Variants in KCNIP4 observed in about 807,000 individuals in gnomAD.
The protein encoded by KCNIP4 is Kv channel-interacting protein 4.
A neutral mutation model predicts 34.0 loss-of-function variants in KCNIP4; 12 were observed. The ratio of observed to expected loss-of-function variants is 0.35; its 90% CI spans 0.23 to 0.57. KCNIP4 has a LOEUF of 0.57. Ranked by LOEUF, KCNIP4 falls within the 20% of genes least tolerant of loss-of-function variation. The pLI is 0.83. For missense variants in KCNIP4, 238 were observed against 311.7 expected (o/e 0.76, Z 1.78); for synonymous variants, 124 against 102.2 (o/e 1.21, Z -1.29).
intron 1 of KCNIP4, among the ~76,000 whole-genome samples, chr4:21,174,010 C>T (rs73247383): frequency 0.025 from 3,736 of 152,208 alleles, 72 homozygotes; most frequent in Middle Eastern, 0.041. Context: ...CACCTGCCTT[C>T]CTCCTAATGG....
At chr4:20,983,580 A>G (rs1346246224) in intron 1 of KCNIP4, among the ~76,000 whole-genome samples, 1 of 152,224 alleles carries the variant, frequency 6.6e-6, no homozygotes, top group African/African-American at 2.4e-5. Flanking sequence ...CCCACAAAAT[A>G]CTAAACCCAA....
intron 1 of KCNIP4, among the ~76,000 whole-genome samples, chr4:21,260,224 A>T (rs1221637437): frequency 1.3e-5 from 2 of 152,166 alleles, no homozygotes; most frequent in Non-Finnish European, 2.9e-5. Flanking sequence ...TAAAAGGTCA[A>T]TTTGAAACAT....
At chr4:21,197,896 G>C (rs1756171837) in intron 1 of KCNIP4, among the ~76,000 whole-genome samples, 1 of 152,134 alleles carries the variant, frequency 6.6e-6, no homozygotes, top group Admixed American at 6.5e-5. Flanking sequence ...GTATGCTTGA[G>C]TTTCAGTAAT....
intron 1 of KCNIP4, among the ~76,000 whole-genome samples, chr4:21,293,708 G>T (rs1419344804): frequency 6.6e-6 from 1 of 152,148 alleles, no homozygotes; most frequent in East Asian, 1.9e-4. Context: ...GCAGATCTTG[G>T]TATTGTGGGA....
chr4:21,770,079 T>C (rs1168588855), intron 1 of KCNIP4, among the ~76,000 whole-genome samples: 1 of 151,980 alleles, frequency 6.6e-6, no homozygotes, highest in Non-Finnish European at 1.5e-5. Flanking sequence ...CCATGGTGGT[T>C]TGCTGCACCT....
chr4:21,599,169 C>A (rs145275018), intron 1 of KCNIP4, among the ~76,000 whole-genome samples: 2 of 152,186 alleles, frequency 1.3e-5, no homozygotes, highest in Non-Finnish European at 2.9e-5. Context: ...CTCCTATGTT[C>A]TGCTTTGAAT....
intron 1 of KCNIP4, among the ~76,000 whole-genome samples, chr4:21,205,616 C>A (rs1756798759): frequency 6.6e-6 from 1 of 152,182 alleles, no homozygotes; most frequent in Admixed American, 6.5e-5. Flanking sequence ...TAAAACTTAC[C>A]ACGTGCTTTA....
chr4:21,069,433 A>T (rs139674490), intron 1 of KCNIP4, among the ~76,000 whole-genome samples: 6 of 152,324 alleles, frequency 3.9e-5, no homozygotes, highest in African/African-American at 1.4e-4. Flanking sequence ...CAGGACTTCA[A>T]TCTAAAAATC....
At chr4:21,528,756 A>G (rs1385678121) in intron 1 of KCNIP4, among the ~76,000 whole-genome samples, 137 of 8,926 alleles carry the variant, frequency 0.015, 2 homozygotes, top group Admixed American at 0.024. Flanking sequence ...AGAAAGAAAG[A>G]AAGAAAGAAA....
chr4:21,742,224 A>G (rs1390474371), intron 1 of KCNIP4, among the ~76,000 whole-genome samples: 1 of 152,184 alleles, frequency 6.6e-6, no homozygotes, highest in Non-Finnish European at 1.5e-5. Context: ...TTTGTTGTCC[A>G]ACCATGCATT....
At chr4:21,866,762 A>ATTTTTTTTT (rs770568451) in intron 1 of KCNIP4, among the ~76,000 whole-genome samples, 20 of 82,728 alleles carry the variant, frequency 2.4e-4, no homozygotes, top group Admixed American at 3.8e-4. Context: ...TTCAGCCTGG[A>ATTTTTTTTT]TTTTTTTTTT....
At position 21,578,352 on chromosome 4, in the gene KCNIP4, AAAAAAAGAG is replaced by A. The variant is rs1240062558; in HGVS notation, c.61+370210_61+370218del. On this transcript the variant is annotated intron_variant, in intron 1 of 8. Transcript: ENST00000382152. ...CGTCTCAAAAAAAAAAAAAAAAAAA[AAAAAAAGAG>A]TTCATGCTAGCTAAATGTGAATTTC... Among the ~76,000 whole-genome samples, 903 of 147,640 alleles carry A rather than the reference AAAAAAAGAG, an allele frequency of 6.1e-3. 22 individuals carry two copies. Among genetic ancestry groups the A allele is most frequent in the African/African-American group, 0.022 (849 of 37,906 alleles).
chr4:21,031,349 A>G (rs533476077), intron 1 of KCNIP4, among the ~76,000 whole-genome samples: 1 of 152,266 alleles, frequency 6.6e-6, no homozygotes, highest in African/African-American at 2.4e-5. Flanking sequence ...TTTTGTACCC[A>G]TTTTTGTGAT....
intron 1 of KCNIP4, among the ~76,000 whole-genome samples, chr4:21,933,453 AT>A (rs1729688138): frequency 6.6e-6 from 1 of 152,026 alleles, no homozygotes; most frequent in Admixed American, 6.6e-5. Context: ...TGTTGACCCA[AT>A]TTCTAATTCC....
intron 1 of KCNIP4, among the ~76,000 whole-genome samples, chr4:21,301,432 T>C (rs7693268): frequency 6.6e-6 from 1 of 152,266 alleles, no homozygotes; most frequent in East Asian, 1.9e-4. Flanking sequence ...GGGAAAAAGT[T>C]CACAATCATC....
intron 1 of KCNIP4, among the ~76,000 whole-genome samples, chr4:21,805,556 G>A (rs1721242164): frequency 6.6e-6 from 1 of 152,086 alleles, no homozygotes; most frequent in South Asian, 2.1e-4. Context: ...CCAGTCTCGG[G>A]TATATCTTTA....
chr4:21,086,806 A>G (rs1281878519), intron 1 of KCNIP4, among the ~76,000 whole-genome samples: 1 of 151,996 alleles, frequency 6.6e-6, no homozygotes, highest in Admixed American at 6.6e-5. Flanking sequence ...AATCTCTCTA[A>G]AACAATCAAA....
intron 1 of KCNIP4, among the ~76,000 whole-genome samples, chr4:21,483,856 C>CTCT (rs1246794174): frequency 1.3e-5 from 2 of 151,966 alleles, no homozygotes; most frequent in Admixed American, 6.6e-5. Flanking sequence ...CCCTGTCTCT[C>CTCT]TCTTCCTCCT....
chr4:21,574,325 T>A (rs1740578862), intron 1 of KCNIP4, among the ~76,000 whole-genome samples: 1 of 152,116 alleles, frequency 6.6e-6, no homozygotes, highest in South Asian at 2.1e-4. Flanking sequence ...ACTGGCGTTT[T>A]TCTTTTCAGT....
Sources: gnomAD v4.1 joint callset for allele counts (sites outside exome capture counted in the v4.1 genomes callset) on GRCh38, gnomAD v4.1.1 for gene constraint, MANE v1.5 for transcripts, NCBI Gene and HGNC (gene_info 2026-07-23, HGNC 2026-07-21) for gene names.